Variants in FBXO27 observed in about 807,000 individuals in gnomAD.
FBXO27 encodes the protein F-box protein 27, also known as F-box only protein 27.
In FBXO27, 28 loss-of-function variants were observed where a neutral mutation model predicts 28.3. The ratio of observed to expected loss-of-function variants is 0.99; its 90% CI spans 0.73 to 1.36. The LOEUF (loss-of-function observed/expected upper bound fraction) is 1.36, where lower values mean the gene tolerates loss of function less well. Ranked by LOEUF, FBXO27 falls within the 40% of genes most tolerant of loss-of-function variation. The pLI, the probability that FBXO27 is intolerant of heterozygous loss-of-function variation, is 0.00. For missense variants in FBXO27, 388 were observed against 394.1 expected (o/e 0.98, Z 0.13); for synonymous variants, 175 against 167.3 (o/e 1.05, Z -0.36).
At chr19:39,012,861 G>A (rs1282194437) in intron 2 of FBXO27, among the ~76,000 whole-genome samples, 4 of 152,040 alleles carry the variant, frequency 2.6e-5, no homozygotes, top group Non-Finnish European at 5.9e-5. Flanking sequence ...TTGGGAGGCT[G>A]AGGCAGGACA....
chr19:39,023,541 T>C (rs1192768654), downstream of FBXO27, among the ~76,000 whole-genome samples: 2 of 151,882 alleles, frequency 1.3e-5, no homozygotes. Context: ...TTCTTCCTCA[T>C]TGTAGCCAGC....
At chr19:39,016,063 C>T (rs2072818248) in intron 1 of FBXO27, among the ~76,000 whole-genome samples, 1 of 152,034 alleles carries the variant, frequency 6.6e-6, no homozygotes, top group East Asian at 1.9e-4. Context: ...CAGAGTGAGA[C>T]TCCATCTCAA....
chr19:39,030,681 C>T (rs1261615554), intron 4 of FBXO27: 4 of 294,976 alleles, frequency 1.4e-5, no homozygotes. Context: ...TGTAGTGGTA[C>T]AACCTCCACC....
intron 2 of FBXO27, 106 bp downstream of exon 2, chr19:39,031,758 G>A: frequency 2.7e-6 from 3 of 1,092,914 alleles, no homozygotes; most frequent in Non-Finnish European, 3.3e-6. Context: ...CTGCGGCCCT[G>A]CCCCTGCGGC....
At chr19:39,009,308 G>A (rs1213687736) in intron 2 of FBXO27, among the ~76,000 whole-genome samples, 1 of 152,162 alleles carries the variant, frequency 6.6e-6, no homozygotes, top group East Asian at 1.9e-4. Flanking sequence ...ATATATGTAG[G>A]AGTGGAATTG....
intron 2 of FBXO27, among the ~76,000 whole-genome samples, chr19:39,008,954 G>A (rs1441586348): frequency 6.6e-6 from 1 of 152,110 alleles, no homozygotes; most frequent in Non-Finnish European, 1.5e-5. Context: ...CTGAGTAGCT[G>A]GGATTACAGG....
At chr19:39,015,261 G>C (rs1437693840) in intron 1 of FBXO27, among the ~76,000 whole-genome samples, 1 of 138,774 alleles carries the variant, frequency 7.2e-6, no homozygotes, top group Non-Finnish European at 1.5e-5. Flanking sequence ...AGAGGTTGCA[G>C]TGAGCCATGA....
At chr19:39,007,073 AAAAAAT>A (rs1568456229) in intron 2 of FBXO27, among the ~76,000 whole-genome samples, 3 of 150,326 alleles carry the variant, frequency 2.0e-5, no homozygotes, top group Non-Finnish European at 3.0e-5. Flanking sequence ...AAAAAAAAAA[AAAAAAT>A]ACAGAAAAGT....
rs1415135483 is a variant in FBXO27 at position 39,024,300 on chromosome 19, C to T, written c.*1111G>A. ...GGAGTGCAGTGGTATGATCATGGCTCACTATAGCCTCAACCTGGGCACAAA... is the reference window on the plus strand; with the variant it reads ...GGAGTGCAGTGGTATGATCATGGCTTACTATAGCCTCAACCTGGGCACAAA... On this transcript the variant is annotated 3_prime_UTR_variant, in exon 6 of 6. Transcript: ENST00000292853. 3 of 151,974 alleles carry T rather than the reference C, an allele frequency of 2.0e-5. No homozygotes were observed. Among genetic ancestry groups the T allele is most frequent in the Admixed American group, 1.3e-4 (2 of 15,202 alleles). The allele number at this position is 151,974 out of a possible 1,614,324, so 9.4% of individuals were successfully genotyped here.
chr19:39,027,643 T>C (rs1379149023), intron 4 of FBXO27, among the ~76,000 whole-genome samples: 1 of 152,018 alleles, frequency 6.6e-6, no homozygotes, highest in Non-Finnish European at 1.5e-5. Flanking sequence ...AGTGAATTAT[T>C]GAATTGTGAA....
At chr19:39,007,703 C>G (rs1294044292) in intron 2 of FBXO27, among the ~76,000 whole-genome samples, 1 of 152,070 alleles carries the variant, frequency 6.6e-6, no homozygotes, top group Non-Finnish European at 1.5e-5. Context: ...AGTGCAATGG[C>G]GCGATCTCAG....
chr19:39,017,977 C>CTTTA (rs138963094), intron 1 of FBXO27, among the ~76,000 whole-genome samples: 17,760 of 151,928 alleles, frequency 0.12, 1,172 homozygotes, highest in African/African-American at 0.15. Flanking sequence ...CTCCCATATA[C>CTTTA]TTTATTAATT....
chr19:39,027,869 G>A (rs1173079887), intron 4 of FBXO27, among the ~76,000 whole-genome samples: 1 of 152,016 alleles, frequency 6.6e-6, no homozygotes, highest in African/African-American at 2.4e-5. Flanking sequence ...GTGTTGTTGT[G>A]ACATATCATG....
chr19:39,006,446 C>T (rs1975734753), intron 2 of FBXO27, among the ~76,000 whole-genome samples: 2 of 151,976 alleles, frequency 1.3e-5, no homozygotes, highest in South Asian at 4.2e-4. Flanking sequence ...GTAATCCCAG[C>T]TATTCGAGAG....
intron 2 of FBXO27, among the ~76,000 whole-genome samples, chr19:39,006,855 G>T (rs948502553): frequency 6.6e-6 from 1 of 151,828 alleles, no homozygotes; most frequent in African/African-American, 2.4e-5. Context: ...AAGGCGGGAA[G>T]ATCACTTGAG....
At chr19:39,022,146 C>CTTTTTTT (rs532602600), downstream of FBXO27, among the ~76,000 whole-genome samples, 2 of 89,052 alleles carry the variant, frequency 2.2e-5, no homozygotes, top group African/African-American at 4.6e-5. Flanking sequence ...ATTTTCTATT[C>CTTTTTTT]TTTTTTTTTT....
chr19:39,032,415 G>A lies in FBXO27; in HGVS notation c.-27+88C>T. Reference sequence around the variant, plus strand: ...CCGTCCTTGATAGCCCCGATATCCCGGAGACCCCGCGGTCTGTGTGTATGC... The same window carrying A: ...CCGTCCTTGATAGCCCCGATATCCCAGAGACCCCGCGGTCTGTGTGTATGC... On this transcript the variant is annotated intron_variant, in intron 1 of 5. Transcript: ENST00000292853. This position sits in a 1 kb window ranked among gnomAD's most constrained non-coding sequence, Gnocchi z 4.7. The A allele has an allele frequency of 1.2e-6, 1 of 827,360 alleles. No individual in the cohort carries two copies. Among genetic ancestry groups the A allele is most frequent in the Non-Finnish European group, 1.7e-6 (1 of 593,710 alleles). 51.3% of individuals were successfully genotyped at this position (827,360 alleles called of 1,614,324 possible). A position where few individuals can be genotyped will look rare whatever the true frequency, so the allele number is the denominator to read the frequency against.
At chr19:39,030,044 G>T (rs530776437) in intron 4 of FBXO27, among the ~76,000 whole-genome samples, 2 of 152,196 alleles carry the variant, frequency 1.3e-5, no homozygotes, top group East Asian at 3.9e-4. Context: ...GTTTTGCCAT[G>T]CTGGCCAGGC....
At chr19:39,031,831 CAGCATCCTGG>C (rs1195824279) in intron 2 of FBXO27, 23 bp downstream of exon 2, 1 of 1,452,538 alleles carries the variant, frequency 6.9e-7, no homozygotes, top group Non-Finnish European at 9.0e-7. Flanking sequence ...CACTGTGGCC[CAGCATCCTGG>C]ACTTCCTCTT....
Sources: gnomAD v4.1 joint callset for allele counts (sites outside exome capture counted in the v4.1 genomes callset) on GRCh38, gnomAD v4.1.1 for gene constraint, Gnocchi (gnomAD v3.1) non-coding constraint, MANE v1.5 for transcripts, NCBI Gene and HGNC (gene_info 2026-07-23, HGNC 2026-07-21) for gene names.